The following UNC5CL variants were observed in gnomAD, a reference collection of about 807,000 sequenced individuals.
The protein encoded by UNC5CL is UNC5C-like protein.
UNC5CL carries 42 observed loss-of-function variants against 54.1 expected under a neutral mutation model. That is an observed-to-expected ratio of 0.78 (90% CI 0.61 to 1.00). The LOEUF is 1.00. Ranked by LOEUF, UNC5CL falls within the 50% of genes least tolerant of loss-of-function variation. UNC5CL has a pLI of 0.00. For missense variants in UNC5CL, 619 were observed against 675.6 expected, an observed-to-expected ratio of 0.92 and a Z score of 0.93; for synonymous variants, 285 against 285.1, an observed-to-expected ratio of 1.00 and a Z score of 0.00.
intron 1 of UNC5CL, among the ~76,000 whole-genome samples, chr6:41,035,649 T>C (rs1350404897): frequency 1.3e-5 from 2 of 152,258 alleles, no homozygotes; most frequent in African/African-American, 4.8e-5. Flanking sequence ...TTATGTCCAC[T>C]TTTAATTACA....
chr6:41,027,917 G>C lies in UNC5CL; in HGVS notation c.*456C>G, dbSNP rs552137317. The C allele has an allele frequency of 6.4e-6, 1 of 156,686 alleles. No homozygotes were observed. The highest frequency in any genetic ancestry group is 6.5e-5 in the Admixed American group (1 of 15,444). 9.7% of individuals were successfully genotyped at this position (156,686 alleles called of 1,614,324 possible). On this transcript the variant is annotated 3_prime_UTR_variant, in exon 9 of 9. Coordinates refer to ENST00000244565, the MANE Select transcript of UNC5CL (RefSeq NM_173561.3). Reference sequence around the variant, plus strand: ...CAGGGCTGTTTTCGAGTTTGCCCTTGGCTCCTATGAGCACATCTTGACTCC... The same window carrying C: ...CAGGGCTGTTTTCGAGTTTGCCCTTCGCTCCTATGAGCACATCTTGACTCC...
rs1762395073 is a variant in UNC5CL, at chr6:41,026,929, T to A, written c.*1444A>T. 1 of 152,224 alleles carries A rather than the reference T, an allele frequency of 6.6e-6. No individual in the cohort carries two copies. The highest frequency in any genetic ancestry group is 1.5e-5 in the Non-Finnish European group (1 of 68,042). The allele number at this position is 152,224 out of a possible 1,614,324, so 9.4% of individuals were successfully genotyped here. A position where few individuals can be genotyped will look rare whatever the true frequency, so the allele number is the denominator to read the frequency against. ...TCATCATAGAAAAAAAGCTTTAATATTTTTTAATTAAATACAGAAGAAAAT... is the reference window on the plus strand; with the variant it reads ...TCATCATAGAAAAAAAGCTTTAATAATTTTTAATTAAATACAGAAGAAAAT... On this transcript the variant is annotated 3_prime_UTR_variant, in exon 9 of 9. Transcript: ENST00000244565.
chr6:41,028,492 G>C lies in UNC5CL; in HGVS notation c.1438C>G (p.Arg480Gly). The C allele has an allele frequency of 6.2e-7, 1 of 1,613,860 alleles. No homozygotes were observed. The highest frequency in any genetic ancestry group is 8.5e-7 in the Non-Finnish European group (1 of 1,180,012). Residue 480 changes from arginine to glycine, a missense_variant, in exon 9 of 9, where the codon CGG becomes GGG. Arg to Gly is a moderately radical substitution (Grantham distance 125, BLOSUM62 -2). Transcript: ENST00000244565. This position sits in a 1 kb window ranked among gnomAD's most constrained non-coding sequence, Gnocchi z 4.3. ...TGGATGGCGGAGGCGCAGTCTAGCCGCTCCATGACGGTCATGAGGTAGTGC... is the reference window on the plus strand; with the variant it reads ...TGGATGGCGGAGGCGCAGTCTAGCCCCTCCATGACGGTCATGAGGTAGTGC... The part of the protein sequence containing the change: ...ELHYLMTVME[R>G]LDCASAIQNY...
chr6:41,038,563 G>A (rs1427153265), intron 1 of UNC5CL, among the ~76,000 whole-genome samples: 1 of 152,174 alleles, frequency 6.6e-6, no homozygotes, highest in Non-Finnish European at 1.5e-5. Flanking sequence ...ATGGGGAAAG[G>A]TCCGGAGTCT....
rs766560035 is a variant in UNC5CL at position 41,034,066 on chromosome 6, G to A, written c.501C>T (p.Gly167=). ...QGLVSPVVAC[G]PHGASFLKPC... ...GCTTCAGGAAGGAGGCCCCATGGGG[G>A]CCACATGCCACCACAGGGCTTACCA... The change falls in exon 3 of 9, where the codon GGC becomes GGT. Residue 167 remains glycine, a synonymous_variant. Transcript: ENST00000244565. 2 of 1,614,060 alleles carry A rather than the reference G, an allele frequency of 1.2e-6. No homozygotes were observed. Among genetic ancestry groups the A allele is most frequent in the Admixed American group, 1.7e-5 (1 of 60,010 alleles).
intron 2 of UNC5CL, 47 bp downstream of exon 2, chr6:41,034,640 ATGT>A: frequency 1.3e-6 from 2 of 1,572,416 alleles, no homozygotes; most frequent in Non-Finnish European, 1.7e-6. Context: ...TGGTGACCTA[ATGT>A]ACAGTCTGAC....
intron 4 of UNC5CL, 41 bp from the exon 5 acceptor site, chr6:41,032,178 G>C (rs1341095152): frequency 1.3e-6 from 2 of 1,551,546 alleles, no homozygotes; most frequent in East Asian, 2.2e-5. Context: ...AGAGAGTGGG[G>C]CCTTAAACAA....
chr6:41,032,889 G>A lies in UNC5CL; in HGVS notation c.944C>T (p.Ser315Leu). Residue 315 changes from serine (S) to leucine (L), a missense_variant, in exon 4 of 9, where the codon TCA becomes TTA. Transcript: ENST00000244565. ...CAGGCCACTGCCTCCCTCACCCTCT[G>A]AGATGTACGTGAGCTTCAGGCACTG... The part of the protein sequence containing the change: ...GDQCLKLTYI[S>L]EGWENVDDSS... The A allele has an allele frequency of 6.2e-7, 1 of 1,600,384 alleles. No individual in the cohort carries two copies. The highest frequency in any genetic ancestry group is 8.5e-7 in the Non-Finnish European group (1 of 1,173,128).
At chr6:41,038,679 A>G (rs1762548872) in intron 1 of UNC5CL, among the ~76,000 whole-genome samples, 1 of 152,186 alleles carries the variant, frequency 6.6e-6, no homozygotes, top group Admixed American at 6.5e-5. Context: ...GTCTTGCTCC[A>G]GACCCCAGAT....
At chr6:41,032,771 A>T in intron 4 of UNC5CL, 113 bp downstream of exon 4, 1 of 1,420,788 alleles carries the variant, frequency 7.0e-7, no homozygotes, top group East Asian at 2.5e-5. Flanking sequence ...GGGAAAAAAA[A>T]AGAGAGAGAG....
In UNC5CL at chr6:41,028,337, G is replaced by C; in HGVS notation, c.*36C>G. On this transcript the variant is annotated 3_prime_UTR_variant, in exon 9 of 9. Transcript: ENST00000244565. The surrounding 1 kb of genome is among the most constrained non-coding windows in gnomAD (Gnocchi z 4.3). ...TAGGCGTAGGAGAACAACCCCTCTC[G>C]CCCCTACACCTCCTCCGGCCCTGCC... 1 of 1,516,134 alleles carries C rather than the reference G, an allele frequency of 6.6e-7. No homozygotes were observed. The highest frequency in any genetic ancestry group is 8.8e-7 in the Non-Finnish European group (1 of 1,130,682). 93.9% of individuals were successfully genotyped at this position (1,516,134 alleles called of 1,614,324 possible).
Position 41,028,188 on chromosome 6 carries a change from A to C in UNC5CL, c.*185T>G. ...CCAGGAGGGGACCCGCACGCGGGAC[A>C]GCTCGCGGCCGGAAGGGCGCGCCTG... On this transcript the variant is annotated 3_prime_UTR_variant, in exon 9 of 9. Transcript: ENST00000244565. This position sits in a 1 kb window ranked among gnomAD's most constrained non-coding sequence, Gnocchi z 4.3. The C allele has an allele frequency of 1.6e-6, 1 of 634,678 alleles. No individual in the cohort carries two copies. Among genetic ancestry groups the C allele is most frequent in the Non-Finnish European group, 2.6e-6 (1 of 379,854 alleles). The allele number at this position is 634,678 out of a possible 1,614,324, so 39.3% of individuals were successfully genotyped here.
At chr6:41,038,172 G>A (rs1762544573) in intron 1 of UNC5CL, among the ~76,000 whole-genome samples, 1 of 152,124 alleles carries the variant, frequency 6.6e-6, no homozygotes, top group Admixed American at 6.5e-5. Flanking sequence ...AATAAAGTTG[G>A]AAGAGAAAGA....
rs531775041 is a variant in UNC5CL, at chr6:41,032,193, T to G, written c.950-56A>C. ...AGAGAGTGGGGCCTTAAACAAGTAT[T>G]GAAGGGGGCTGTGGGGAGGCATGAG... On this transcript the variant is annotated intron_variant, in intron 4 of 8. Transcript: ENST00000244565. 189 of 1,427,086 alleles carry G rather than the reference T, an allele frequency of 1.3e-4. No homozygotes were observed. The African/African-American group carries it at 2.0e-3, about 15-fold the overall frequency. The allele number at this position is 1,427,086 out of a possible 1,614,324, so 88.4% of individuals were successfully genotyped here. A position where few individuals can be genotyped will look rare whatever the true frequency, so the allele number is the denominator to read the frequency against.
Position 41,027,970 on chromosome 6 carries a change from C to G in UNC5CL, c.*403G>C, listed in dbSNP as rs965757598. 5.5e-6 allele frequency: 1 copy of G among 181,726 alleles called. No individual in the cohort carries two copies. The highest frequency in any genetic ancestry group is 1.1e-5 in the Non-Finnish European group (1 of 87,576). 11.3% of individuals were successfully genotyped at this position (181,726 alleles called of 1,614,324 possible). ...CAAAAGAACTGTGTGCTTGTCAGGGCTCCAGACCCTACCTCCTATATTCCA... is the reference window on the plus strand; with the variant it reads ...CAAAAGAACTGTGTGCTTGTCAGGGGTCCAGACCCTACCTCCTATATTCCA... On this transcript the variant is annotated 3_prime_UTR_variant, in exon 9 of 9. Transcript: ENST00000244565.
chr6:41,033,733 G>T, intron 3 of UNC5CL, 148 bp downstream of exon 3: 1 of 867,934 alleles, frequency 1.2e-6, no homozygotes, highest in South Asian at 1.8e-5. Flanking sequence ...TTAGGACAGA[G>T]GGGCCAGAAA....
intron 5 of UNC5CL, 116 bp from the exon 6 acceptor site, chr6:41,031,864 A>G (rs1762456805): frequency 7.7e-7 from 1 of 1,292,200 alleles, no homozygotes; most frequent in Middle Eastern, 1.9e-4. Flanking sequence ...GCTGGGGTCC[A>G]ACACTCCATT....
In UNC5CL at chr6:41,035,069, G is replaced by A; in HGVS notation, c.6C>T (p.Cys2=). The A allele has an allele frequency of 6.4e-7, 1 of 1,560,728 alleles. No individual in the cohort carries two copies. The highest frequency in any genetic ancestry group is 8.7e-7 in the Non-Finnish European group (1 of 1,148,894). ...AGGGTTGGAATGAACTCTCCTGGGG[G>A]CACATTCGCCTGGTTACTCAATGCC... M[C]PQESSFQPSQ... is the part of the protein sequence containing the mutation. The change falls in exon 2 of 9, where the codon TGC becomes TGT. Residue 2 remains cysteine (C), a synonymous_variant. Transcript: ENST00000244565.
At position 41,034,060 on chromosome 6, in the gene UNC5CL, A is replaced by G; in HGVS notation, c.507T>C (p.His169=). The change falls in exon 3 of 9, where the codon CAT becomes CAC. Residue 169 remains histidine, a synonymous_variant. Transcript: ENST00000244565. ...TGCAAGGCTTCAGGAAGGAGGCCCCATGGGGGCCACATGCCACCACAGGGC... is the reference window on the plus strand; with the variant it reads ...TGCAAGGCTTCAGGAAGGAGGCCCCGTGGGGGCCACATGCCACCACAGGGC... ...LVSPVVACGP[H]GASFLKPCTL... is the part of the protein sequence containing the mutation. 6.2e-7 allele frequency: 1 copy of G among 1,614,210 alleles called. No individual in the cohort carries two copies. Among genetic ancestry groups the G allele is most frequent in the Non-Finnish European group, 8.5e-7 (1 of 1,180,016 alleles).
Sources: gnomAD v4.1 joint callset for allele counts (sites outside exome capture counted in the v4.1 genomes callset) on GRCh38, gnomAD v4.1.1 for gene constraint, Gnocchi (gnomAD v3.1) non-coding constraint, MANE v1.5 for transcripts, NCBI Gene and HGNC (gene_info 2026-07-23, HGNC 2026-07-21) for gene names.